SLC2A5: variants seen among roughly 807,000 people sequenced by gnomAD.
SLC2A5 encodes the protein solute carrier family 2 member 5, also known as solute carrier family 2, facilitated glucose transporter member 5.
Under a neutral mutation model 50.3 loss-of-function variants are expected in SLC2A5, and 56 were observed. The ratio of observed to expected loss-of-function variants is 1.11; its 90% confidence interval spans 0.90 to 1.39. The LOEUF (loss-of-function observed/expected upper bound fraction) is 1.39, where lower values mean the gene tolerates loss of function less well. Ranked by LOEUF, SLC2A5 falls within the 40% of genes most tolerant of loss-of-function variation. The pLI, the probability that SLC2A5 is intolerant of heterozygous loss-of-function variation, is 0.00. For synonymous variants in SLC2A5, 269 were observed against 281.9 expected, an observed-to-expected ratio of 0.95 and a Z score of 0.46; for missense variants, 566 against 650.1, an observed-to-expected ratio of 0.87 and a Z score of 1.41.
intron 1 of SLC2A5, among the ~76,000 whole-genome samples, chr1:9,059,562 A>AGAGTC (rs58799445): frequency 4.2e-5 from 4 of 94,698 alleles, no homozygotes; most frequent in Admixed American, 9.5e-5. Flanking sequence ...TTTCTGAGAC[A>AGAGTC]TTTCTTGCCC....
At chr1:9,074,880 G>A (rs1482606441) in intron 2 of SLC2A5, among the ~76,000 whole-genome samples, 2 of 152,010 alleles carry the variant, frequency 1.3e-5, no homozygotes, top group South Asian at 2.1e-4. Context: ...AAAATTATCT[G>A]GGTGTGGTGG....
Position 9,039,623 on chromosome 1 carries a change from C to G in SLC2A5, c.925G>C (p.Val309Leu), listed in dbSNP as rs757787611. ...YADQIYLSAGVPEEHVQYVTA... is the reference protein window; with the variant it reads ...YADQIYLSAGLPEEHVQYVTA... ...ACGTACTGCACGTGCTCCTCCGGCA[C>G]GCCGGCGCTCAGGTAGATCTGGTCC... Residue 309 changes from valine to leucine, a missense_variant, in exon 8 of 12, where the codon GTG becomes CTG. Val to Leu is a conservative substitution (Grantham distance 32, BLOSUM62 1). Transcript: ENST00000377424. The G allele has an allele frequency of 6.4e-6, 10 of 1,565,824 alleles. No individual in the cohort carries two copies. In the East Asian group the frequency reaches 9.6e-5, roughly 15 times the overall value.
chr1:9,039,331 C>A (rs1291803442), intron 8 of SLC2A5, among the ~76,000 whole-genome samples: 1 of 152,210 alleles, frequency 6.6e-6, no homozygotes, highest in Non-Finnish European at 1.5e-5. Flanking sequence ...GGTCCAGGCA[C>A]GCCTACATCC....
the SLC2A5 span, among the ~76,000 whole-genome samples, chr1:9,093,787 C>T: frequency 1.3e-5 from 2 of 152,254 alleles, no homozygotes; most frequent in East Asian, 3.9e-4. Context: ...CCTGGATGTG[C>T]TTACCGCTGT....
Position 9,042,638 on chromosome 1 carries a change from GGTGTGTGTGTGGCCTGGGTGTGT to G in SLC2A5, c.419-724_419-702del, listed in dbSNP as rs1641334694. Reference sequence around the variant, plus strand: ...ATGTGTATATATATGTGTGTGTGTGGGTGTGTGTGTGGCCTGGGTGTGTGTGTGTGTGTGTATAGGGCATGTGT... The same window carrying G: ...ATGTGTATATATATGTGTGTGTGTGGGTGTGTGTGTGTATAGGGCATGTGT... On this transcript the variant is annotated intron_variant, in intron 4 of 11. Transcript: ENST00000377424. 5.0e-5 allele frequency among the ~76,000 whole-genome samples: 7 copies of G among 139,470 alleles called. No homozygotes were observed. The South Asian group carries it at 7.0e-4, about 14-fold the overall frequency. The allele number at this position is 139,470 out of a possible 152,430, so 91.5% of individuals were successfully genotyped here.
intron 3 of SLC2A5, among the ~76,000 whole-genome samples, chr1:9,051,604 C>T (rs542200560): frequency 7.8e-4 from 119 of 152,298 alleles, no homozygotes; most frequent in Non-Finnish European, 1.5e-3. Flanking sequence ...TACCACCTGT[C>T]AGAAGAACAA....
chr1:9,084,148 A>C (rs2124483602), intron 2 of SLC2A5, among the ~76,000 whole-genome samples: 1 of 152,302 alleles, frequency 6.6e-6, no homozygotes, highest in Middle Eastern at 3.4e-3. Flanking sequence ...TCTCAAAAAA[A>C]AAAAAATAAT....
intron 3 of SLC2A5, among the ~76,000 whole-genome samples, chr1:9,050,042 C>G (rs1047561275): frequency 4.6e-5 from 7 of 151,914 alleles, no homozygotes; most frequent in Non-Finnish European, 1.0e-4. Context: ...GAGGCCAAGG[C>G]GGGTGGATCA....
upstream of SLC2A5, among the ~76,000 whole-genome samples, chr1:9,089,136 A>C (rs1015831109): frequency 3.3e-5 from 5 of 152,238 alleles, no homozygotes; most frequent in African/African-American, 1.2e-4. Flanking sequence ...CCAGTGGCTA[A>C]TGATGCAGTT....
chr1:9,074,579 A>G (rs1467758036), upstream of SLC2A5, among the ~76,000 whole-genome samples: 1 of 152,190 alleles, frequency 6.6e-6, no homozygotes, highest in African/African-American at 2.4e-5. Flanking sequence ...TTAGGAACAT[A>G]AGGAAAGACA....
chr1:9,038,799 G>C (rs760997994), intron 9 of SLC2A5, 29 bp downstream of exon 9: 1 of 1,545,096 alleles, frequency 6.5e-7, no homozygotes, highest in Admixed American at 2.0e-5. Flanking sequence ...GTGCAGCTCC[G>C]GGCTCCTGGG....
At chr1:9,091,882 G>A (rs1032720680), upstream of SLC2A5, among the ~76,000 whole-genome samples, 5 of 151,762 alleles carry the variant, frequency 3.3e-5, no homozygotes, top group South Asian at 2.1e-4. Flanking sequence ...ACACCCTCCC[G>A]ACAAGCAGAA....
At position 9,037,938 on chromosome 1, in the gene SLC2A5, G is replaced by A; in HGVS notation, c.1261C>T (p.Leu421Phe). ...AFMVGGSVHW[L>F]SNFTVGLIFP... ...ATCAAGCCCACGGTGAAGTTGGAGA[G>A]CCAGTGCACACTGCCCCCCACCATG... The change falls in exon 11 of 12, where the codon CTC (leucine) becomes TTC (phenylalanine). Residue 421 changes from leucine (L) to phenylalanine (F), a missense_variant. Coordinates refer to ENST00000377424, the MANE Select transcript of SLC2A5 (RefSeq NM_003039.3). 2 of 1,613,974 alleles carry A rather than the reference G, an allele frequency of 1.2e-6. No homozygotes were observed. Among genetic ancestry groups the A allele is most frequent in the East Asian group, 2.2e-5 (1 of 44,868 alleles).
intron 4 of SLC2A5, among the ~76,000 whole-genome samples, chr1:9,046,010 A>G (rs985200453): frequency 6.6e-6 from 1 of 151,992 alleles, no homozygotes; most frequent in African/African-American, 2.4e-5. Context: ...ATGTCTTCTC[A>G]TCTTTTTTTC....
Position 9,040,156 on chromosome 1 carries a change from G to A in SLC2A5, c.605C>T (p.Pro202Leu), listed in dbSNP as rs958028488. The change falls in exon 6 of 12, where the codon CCC (proline) becomes CTC (leucine). Residue 202 changes from proline to leucine, a missense_variant. Transcript: ENST00000377424. This position sits in a 1 kb window ranked among gnomAD's most constrained non-coding sequence, Gnocchi z 4.3. ...CAGCAGAAGGAGCTGCAGCGCCGCGGGGACCCCGGTCAGCCCCAGCAGGAT... is the reference window on the plus strand; with the variant it reads ...CAGCAGAAGGAGCTGCAGCGCCGCGAGGACCCCGGTCAGCCCCAGCAGGAT... ...WPILLGLTGVPAALQLLLLPF... is the reference protein window; with the variant it reads ...WPILLGLTGVLAALQLLLLPF... 2.4e-5 allele frequency: 37 copies of A among 1,562,066 alleles called. No individual in the cohort carries two copies. Among genetic ancestry groups the A allele is most frequent in the Non-Finnish European group, 2.9e-5 (34 of 1,154,348 alleles).
At chr1:9,045,610 G>A (rs1405652155) in intron 4 of SLC2A5, among the ~76,000 whole-genome samples, 2 of 152,048 alleles carry the variant, frequency 1.3e-5, no homozygotes, top group South Asian at 4.1e-4. Context: ...GAGACCGGCC[G>A]GGCATGGTGG....
At position 9,039,973 on chromosome 1, in the gene SLC2A5, G is replaced by T. The variant is rs754707926; in HGVS notation, c.712C>A (p.Arg238Ser). The change falls in exon 7 of 12, where the codon CGC becomes AGC. Residue 238 changes from arginine (R) to serine (S), a missense_variant. Arg to Ser is a moderately radical substitution (Grantham distance 110). Transcript: ENST00000377424. Reference sequence around the variant, plus strand: ...TCCCTGTCCACAGAGTCCCAGCCGCGCAGCGTCTGTAGGGCTGGGGAGAAG... The same window carrying T: ...TCCCTGTCCACAGAGTCCCAGCCGCTCAGCGTCTGTAGGGCTGGGGAGAAG... ...AAAKKALQTL[R>S]GWDSVDREVA... The T allele has an allele frequency of 6.2e-7, 1 of 1,611,372 alleles. No individual in the cohort carries two copies. Among genetic ancestry groups the T allele is most frequent in the Non-Finnish European group, 8.5e-7 (1 of 1,178,776 alleles).
At position 9,040,150 on chromosome 1, in the gene SLC2A5, G is replaced by C. The variant is rs202060523; in HGVS notation, c.611C>G (p.Ala204Gly). 2 of 1,570,008 alleles carry C rather than the reference G, an allele frequency of 1.3e-6. No individual in the cohort carries two copies. The highest frequency in any genetic ancestry group is 2.3e-5 in the South Asian group (2 of 86,174). Residue 204 changes from alanine to glycine, a missense_variant, in exon 6 of 12, where the codon GCG becomes GGG. Ala to Gly is a moderately conservative substitution (Grantham distance 60, BLOSUM62 0). Transcript: ENST00000377424. The surrounding 1 kb of genome is among the most constrained non-coding windows in gnomAD (Gnocchi z 4.3). Reference sequence around the variant, plus strand: ...GAAGGGCAGCAGAAGGAGCTGCAGCGCCGCGGGGACCCCGGTCAGCCCCAG... The same window carrying C: ...GAAGGGCAGCAGAAGGAGCTGCAGCCCCGCGGGGACCCCGGTCAGCCCCAG... Reference protein sequence around the residue: ...ILLGLTGVPAALQLLLLPFFP... With the variant: ...ILLGLTGVPAGLQLLLLPFFP...
chr1:9,071,876 C>CCCTCTGCCTCAGCCCGGATCCCCCTCGG (rs1405450328), upstream of SLC2A5: 14,565 of 142,676 alleles, frequency 0.1, 2,213 homozygotes, highest in Admixed American at 0.17. Flanking sequence ...TGCCCAGGAC[C>CCCTCTGCCTCAGCCCGGATCCCCCTCGG]CCTCTGCCTC....
Sources: allele counts gnomAD v4.1 joint callset (sites outside exome capture counted in the v4.1 genomes callset), GRCh38; gene constraint gnomAD v4.1.1; non-coding constraint Gnocchi (gnomAD v3.1); transcripts MANE v1.5; gene names NCBI Gene and HGNC (gene_info 2026-07-23, HGNC 2026-07-21).